Variants in IGSF21 observed in about 807,000 individuals in gnomAD.
IGSF21 encodes the protein immunoglobulin superfamily member 21.
IGSF21 carries 28 observed loss-of-function variants against 46.8 expected under a neutral mutation model. The ratio of observed to expected loss-of-function variants is 0.60; its 90% CI spans 0.44 to 0.82. IGSF21 has a LOEUF of 0.82. Ranked by LOEUF, IGSF21 falls within the 40% of genes least tolerant of loss-of-function variation. The probability of loss-of-function intolerance (pLI) is 0.00; values close to 1 mark genes in which losing one functional copy is unlikely to be tolerated. For missense variants in IGSF21, 624 were observed against 665.5 expected (o/e 0.94, Z 0.69); for synonymous variants, 284 against 273.6 (o/e 1.04, Z -0.38).
chr1:18,108,219 C>T (rs1312214797), intron 1 of IGSF21, 21 bp downstream of exon 1: 4 of 1,358,322 alleles, frequency 2.9e-6, no homozygotes, highest in South Asian at 3.5e-5. Flanking sequence ...GGGCGCCTGG[C>T]GGGAGCCGAG....
intron 3 of IGSF21, among the ~76,000 whole-genome samples, chr1:18,320,533 G>A (rs1303330524): frequency 6.6e-6 from 1 of 152,182 alleles, no homozygotes; most frequent in Non-Finnish European, 1.5e-5. Flanking sequence ...TCATCCATCA[G>A]CTGACCTGGT....
intron 3 of IGSF21, among the ~76,000 whole-genome samples, chr1:18,298,229 G>C (rs1010134517): frequency 3.9e-5 from 6 of 152,204 alleles, no homozygotes; most frequent in Non-Finnish European, 7.3e-5. Flanking sequence ...TATGCGGTTT[G>C]TCAAGCTCAC....
At chr1:18,377,288 C>T (rs1245168952) in intron 8 of IGSF21, 105 bp from the exon 9 acceptor site, 15 of 1,028,270 alleles carry the variant, frequency 1.5e-5, no homozygotes, top group Non-Finnish European at 1.5e-6. Flanking sequence ...TGCACTGAGA[C>T]AGTGCGTGTG....
At chr1:18,364,170 C>T (rs570522687) in intron 5 of IGSF21, among the ~76,000 whole-genome samples, 7 of 152,240 alleles carry the variant, frequency 4.6e-5, no homozygotes, top group Non-Finnish European at 1.0e-4. Flanking sequence ...AACCTCATCT[C>T]CCCAAATCCC....
At chr1:18,169,604 CTGA>C (rs2086715129) in intron 1 of IGSF21, among the ~76,000 whole-genome samples, 1 of 152,220 alleles carries the variant, frequency 6.6e-6, no homozygotes, top group South Asian at 2.1e-4. Context: ...AGTGTCTTTG[CTGA>C]TGGCTGAAGC....
At chr1:18,166,333 T>G (rs2086678315) in intron 1 of IGSF21, among the ~76,000 whole-genome samples, 1 of 152,180 alleles carries the variant, frequency 6.6e-6, no homozygotes, top group Non-Finnish European at 1.5e-5. Context: ...TTGCCTGGTT[T>G]CCCCTAATTT....
At chr1:18,122,382 G>T (rs2086242772) in intron 1 of IGSF21, among the ~76,000 whole-genome samples, 1 of 151,286 alleles carries the variant, frequency 6.6e-6, no homozygotes. Context: ...ATAGAGACAG[G>T]GTTTTGCCAT....
At chr1:18,320,396 GC>G (rs1255519971) in intron 3 of IGSF21, among the ~76,000 whole-genome samples, 1 of 152,196 alleles carries the variant, frequency 6.6e-6, no homozygotes, top group Non-Finnish European at 1.5e-5. Context: ...GAAGGACTGG[GC>G]TTTTGGTGGG....
intron 2 of IGSF21, among the ~76,000 whole-genome samples, chr1:18,280,890 AG>A (rs1431353763): frequency 1.3e-5 from 2 of 152,182 alleles, no homozygotes; most frequent in African/African-American, 4.8e-5. Flanking sequence ...AGCAGGGCTC[AG>A]GGTCCCCTTC....
At chr1:18,362,022 C>T (rs1182913887) in intron 4 of IGSF21, 93 bp from the exon 5 acceptor site, 5 of 851,574 alleles carry the variant, frequency 5.9e-6, no homozygotes, top group African/African-American at 1.7e-5. Flanking sequence ...CCCCCGGCAC[C>T]CAGCATGGAC....
chr1:18,211,360 T>A (rs2084389683), intron 1 of IGSF21, among the ~76,000 whole-genome samples: 1 of 152,248 alleles, frequency 6.6e-6, no homozygotes, highest in African/African-American at 2.4e-5. Flanking sequence ...CATTTAAAAC[T>A]GATGCAAATC....
At chr1:18,258,055 A>G (rs1459889872) in intron 2 of IGSF21, among the ~76,000 whole-genome samples, 1 of 152,186 alleles carries the variant, frequency 6.6e-6, no homozygotes, top group African/African-American at 2.4e-5. Context: ...CCAGGCACCA[A>G]TGTGCAGGAG....
chr1:18,127,019 T>C, intron 1 of IGSF21, among the ~76,000 whole-genome samples: 1 of 152,112 alleles, frequency 6.6e-6, no homozygotes, highest in East Asian at 1.9e-4. Context: ...CCCATGCAAA[T>C]ACAAGCCCAG....
At chr1:18,253,199 G>A (rs965427091) in intron 2 of IGSF21, among the ~76,000 whole-genome samples, 2 of 150,616 alleles carry the variant, frequency 1.3e-5, no homozygotes, top group African/African-American at 4.8e-5. Flanking sequence ...ACCCAGCCCC[G>A]TGTTTCTCTG....
chr1:18,269,926 T>C (rs1277836492), intron 2 of IGSF21, among the ~76,000 whole-genome samples: 1 of 152,128 alleles, frequency 6.6e-6, no homozygotes, highest in Non-Finnish European at 1.5e-5. Context: ...CCCAGAGACT[T>C]TTCCAGTATG....
At chr1:18,118,928 CTTCCTTCT>C (rs967253566) in intron 1 of IGSF21, among the ~76,000 whole-genome samples, 20 of 124,656 alleles carry the variant, frequency 1.6e-4, no homozygotes, top group African/African-American at 5.6e-4. Flanking sequence ...CCCTTCCTTT[CTTCCTTCT>C]TTCCTTCTTT....
chr1:18,308,194 G>T lies in IGSF21; in HGVS notation c.305+16207G>T, dbSNP rs540481573. On this transcript the variant is annotated intron_variant, in intron 3 of 9. Transcript: ENST00000251296. ...CGGTTCCCACAGAGCTCAGCACAAA[G>T]AGGTGAGGAGGGAACAGAAGAATTA... Among the ~76,000 whole-genome samples, 107 of 152,254 alleles carry T rather than the reference G, an allele frequency of 7.0e-4. 1 individual carries two copies. In the South Asian group the frequency reaches 0.015, roughly 21 times the overall value.
chr1:18,359,370 GAAAGAAA>G (rs1557659553), intron 4 of IGSF21, among the ~76,000 whole-genome samples: 46 of 103,264 alleles, frequency 4.5e-4, no homozygotes, highest in African/African-American at 1.7e-3. Flanking sequence ...AAGAAAGAAA[GAAAGAAA>G]GAAAGAAAGG....
At chr1:18,224,008 G>A (rs2084537175) in intron 1 of IGSF21, among the ~76,000 whole-genome samples, 1 of 152,196 alleles carries the variant, frequency 6.6e-6, no homozygotes, top group Admixed American at 6.5e-5. Context: ...TTACAGTGGT[G>A]TTTCCCGACA....
Sources: gnomAD v4.1 joint callset for allele counts (sites outside exome capture counted in the v4.1 genomes callset) on GRCh38, gnomAD v4.1.1 for gene constraint, MANE v1.5 for transcripts, NCBI Gene and HGNC (gene_info 2026-07-23, HGNC 2026-07-21) for gene names.